Variants in TSHZ1 observed in about 807,000 individuals in gnomAD.
TSHZ1 encodes the protein teashirt zinc finger homeobox 1, also known as teashirt homolog 1.
In TSHZ1, 12 loss-of-function variants were observed where a neutral mutation model predicts 67.1. That is an observed-to-expected ratio of 0.18 (90% CI 0.11 to 0.29). TSHZ1 has a LOEUF of 0.29. TSHZ1 is among the 10% of genes least tolerant of loss of function. The probability of loss-of-function intolerance (pLI) is 1.00; values close to 1 mark genes in which losing one functional copy is unlikely to be tolerated. For missense variants in TSHZ1, 1,305 were observed against 1,413.9 expected (o/e 0.92, Z 1.23); for synonymous variants, 632 against 622.4 (o/e 1.02, Z -0.23).
chr18:75,253,946 G>T (rs1404878257), intron 1 of TSHZ1, among the ~76,000 whole-genome samples: 6 of 152,194 alleles, frequency 3.9e-5, no homozygotes, highest in African/African-American at 1.4e-4. Flanking sequence ...AATCATATGG[G>T]TTTGTATTTG....
At chr18:75,251,574 T>G (rs1420067284) in intron 1 of TSHZ1, among the ~76,000 whole-genome samples, 1 of 151,458 alleles carries the variant, frequency 6.6e-6, no homozygotes, top group Non-Finnish European at 1.5e-5. Context: ...CATCTATCTT[T>G]CCATTTCTAG....
At chr18:75,222,175 G>C (rs1387175793) in intron 1 of TSHZ1, among the ~76,000 whole-genome samples, 1 of 151,982 alleles carries the variant, frequency 6.6e-6, no homozygotes, top group Non-Finnish European at 1.5e-5. Flanking sequence ...GTTAGAGGGG[G>C]GTTGTGCTAC....
At chr18:75,223,038 C>A (rs2022869155) in intron 1 of TSHZ1, among the ~76,000 whole-genome samples, 1 of 152,154 alleles carries the variant, frequency 6.6e-6, no homozygotes, top group Non-Finnish European at 1.5e-5. Context: ...CTGTGGTACA[C>A]CTCCCTGCCT....
At chr18:75,245,475 G>A (rs539081788) in intron 1 of TSHZ1, 6 of 152,190 alleles carry the variant, frequency 3.9e-5, no homozygotes, top group South Asian at 2.1e-4. Context: ...GCTGCTGTGC[G>A]TGTCCCATTT....
intron 1 of TSHZ1, among the ~76,000 whole-genome samples, chr18:75,277,633 C>T (rs957680371): frequency 6.6e-6 from 1 of 152,120 alleles, no homozygotes; most frequent in African/African-American, 2.4e-5. Context: ...GGCAAGCCAG[C>T]TCTCTGGAGC....
chr18:75,244,720 C>T (rs1248023677), intron 1 of TSHZ1: 2 of 152,222 alleles, frequency 1.3e-5, no homozygotes, highest in African/African-American at 4.8e-5. Context: ...TCTGCAGGCT[C>T]AGTGCAGCGT....
At position 75,287,806 on chromosome 18, in the gene TSHZ1, G is replaced by A. The variant is rs146830433; in HGVS notation, c.2399G>A (p.Arg800His). 6.9e-5 allele frequency: 112 copies of A among 1,613,970 alleles called. No homozygotes were observed. The highest frequency in any genetic ancestry group is 8.4e-5 in the Non-Finnish European group (99 of 1,180,050). Residue 800 changes from arginine (R) to histidine (H), a missense_variant, in exon 2 of 2, where the codon CGC becomes CAC. This residue lies in a region of TSHZ1 where 909 missense variants were observed against 961.8 expected (regional missense o/e 0.95). Coordinates refer to ENST00000580243, the MANE Select transcript of TSHZ1 (RefSeq NM_001308210.2). This position sits in a 1 kb window ranked among gnomAD's most constrained non-coding sequence, Gnocchi z 5.0. The part of the protein sequence containing the change: ...TPVKQADAID[R>H]YYYENSDQPI... ...GTGAAGCAGGCCGATGCCATCGACCGCTACTATTATGAAAACAGCGACCAG... is the reference window on the plus strand; with the variant it reads ...GTGAAGCAGGCCGATGCCATCGACCACTACTATTATGAAAACAGCGACCAG...
At chr18:75,229,696 GT>G (rs1442454244) in intron 1 of TSHZ1, among the ~76,000 whole-genome samples, 1 of 152,264 alleles carries the variant, frequency 6.6e-6, no homozygotes, top group Admixed American at 6.5e-5. Context: ...GCTGGCGATA[GT>G]AGGTGAAAGA....
At chr18:75,224,897 C>T (rs901134574) in intron 1 of TSHZ1, among the ~76,000 whole-genome samples, 6 of 152,214 alleles carry the variant, frequency 3.9e-5, no homozygotes, top group Admixed American at 2.0e-4. Context: ...ATTCCTAACG[C>T]GTGCTATTCT....
At position 75,286,219 on chromosome 18, in the gene TSHZ1, A is replaced by G; in HGVS notation, c.812A>G (p.Tyr271Cys). Residue 271 changes from tyrosine (Y) to cysteine (C), a missense_variant, in exon 2 of 2, where the codon TAC (tyrosine) becomes TGC (cysteine). By Grantham distance (194) the Tyr-to-Cys change is radical (BLOSUM62 -2). Coordinates refer to ENST00000580243, the MANE Select transcript of TSHZ1 (RefSeq NM_001308210.2). The surrounding 1 kb of genome is among the most constrained non-coding windows in gnomAD (Gnocchi z 5.1). The part of the protein sequence containing the change: ...LTVHMNETGH[Y>C]RDDNRDKDSE... ...GTGCACATGAACGAGACAGGCCACT[A>G]CCGTGACGACAACAGGGACAAGGAC... 1 of 1,614,008 alleles carries G rather than the reference A, an allele frequency of 6.2e-7. No homozygotes were observed. Among genetic ancestry groups the G allele is most frequent in the Non-Finnish European group, 8.5e-7 (1 of 1,179,960 alleles).
intron 1 of TSHZ1, 151 bp from the exon 2 acceptor site, chr18:75,285,297 T>C: frequency 1.1e-6 from 1 of 920,136 alleles, no homozygotes; most frequent in South Asian, 2.6e-5. Flanking sequence ...ACCTAACTCC[T>C]GCAAAGGGGT....
At chr18:75,257,377 AC>A (rs2023373810) in intron 1 of TSHZ1, among the ~76,000 whole-genome samples, 1 of 152,182 alleles carries the variant, frequency 6.6e-6, no homozygotes, top group Non-Finnish European at 1.5e-5. Flanking sequence ...AAAACAAAAA[AC>A]AAAAAACCCA....
intron 1 of TSHZ1, chr18:75,280,709 A>C (rs1485485997): frequency 1.0e-6 from 1 of 976,582 alleles, no homozygotes; most frequent in Admixed American, 6.2e-5. Flanking sequence ...AAGGGTTGTG[A>C]GATTAAATGA....
At position 75,211,999 on chromosome 18, in the gene TSHZ1, C is replaced by T. The variant is rs1360587189; in HGVS notation, c.40+83C>T. The T allele has an allele frequency of 5.5e-6, 6 of 1,084,068 alleles. No homozygotes were observed. The African/African-American group carries it at 9.9e-5, about 18-fold the overall frequency. 67.2% of individuals were successfully genotyped at this position (1,084,068 alleles called of 1,614,324 possible). On this transcript the variant is annotated intron_variant, in intron 1 of 1. Coordinates refer to ENST00000580243, the MANE Select transcript of TSHZ1 (RefSeq NM_001308210.2). ...GGGCTTCGCGGGCCGAGGTGCGGGA[C>T]GTGGGCCGCGGGCCGCCCCAAGCTG...
intron 1 of TSHZ1, among the ~76,000 whole-genome samples, chr18:75,237,891 C>A (rs1599033772): frequency 6.6e-6 from 1 of 152,102 alleles, no homozygotes; most frequent in East Asian, 1.9e-4. Flanking sequence ...CGCCTCTCTG[C>A]AACCTCCGCC....
intron 1 of TSHZ1, among the ~76,000 whole-genome samples, chr18:75,274,181 G>T (rs1434461563): frequency 6.6e-6 from 1 of 152,142 alleles, no homozygotes; most frequent in African/African-American, 2.4e-5. Flanking sequence ...TGGCAAAGCT[G>T]TTTTGACACA....
chr18:75,229,113 C>T (rs1371110044), intron 1 of TSHZ1, among the ~76,000 whole-genome samples: 3 of 152,238 alleles, frequency 2.0e-5, no homozygotes, highest in Non-Finnish European at 2.9e-5. Flanking sequence ...AGGTGTTGGG[C>T]GTGCTGCCCT....
chr18:75,273,472 G>C (rs1340848566), intron 1 of TSHZ1, among the ~76,000 whole-genome samples: 1 of 152,122 alleles, frequency 6.6e-6, no homozygotes, highest in Non-Finnish European at 1.5e-5. Context: ...AGTGAGTCTT[G>C]TTTTCTTTAA....
chr18:75,229,422 G>A (rs2022968111), intron 1 of TSHZ1, among the ~76,000 whole-genome samples: 1 of 152,240 alleles, frequency 6.6e-6, no homozygotes, highest in East Asian at 1.9e-4. Context: ...GCACCATGCA[G>A]GGGGACCCAT....
Sources: gnomAD v4.1 joint callset for allele counts (sites outside exome capture counted in the v4.1 genomes callset) on GRCh38, gnomAD v4.1.1 for gene constraint, gnomAD v4.1.1 regional missense constraint, Gnocchi (gnomAD v3.1) non-coding constraint, MANE v1.5 for transcripts, NCBI Gene and HGNC (gene_info 2026-07-23, HGNC 2026-07-21) for gene names.